Variants in PDE3A observed in about 807,000 individuals in gnomAD.
PDE3A encodes phosphodiesterase 3A.
In PDE3A, 43 loss-of-function variants were observed where a neutral mutation model predicts 98.3. The ratio of observed to expected loss-of-function variants is 0.44; its 90% CI spans 0.34 to 0.56. The LOEUF is 0.56. Ranked by LOEUF, PDE3A falls within the 20% of genes least tolerant of loss-of-function variation. The pLI is 0.01. For missense variants in PDE3A, 1,427 were observed against 1,440.7 expected (o/e 0.99, Z 0.15); for synonymous variants, 663 against 567.9 (o/e 1.17, Z -2.38).
At chr12:20,479,717 G>T (rs994334995) in intron 1 of PDE3A, among the ~76,000 whole-genome samples, 1 of 152,178 alleles carries the variant, frequency 6.6e-6, no homozygotes, top group Non-Finnish European at 1.5e-5. Flanking sequence ...TTACACTGAG[G>T]ACACTTGGGC....
Position 20,378,143 on chromosome 12 carries a change from T to C in PDE3A, c.960+7899T>C, listed in dbSNP as rs149544526. On this transcript the variant is annotated intron_variant, in intron 1 of 15. Transcript: ENST00000359062. Reference sequence around the variant, plus strand: ...TGGTTCATTCTGTGTATAGAGCAGATTGGAGATTTTGATAGTGTGGAATTT... The same window carrying C: ...TGGTTCATTCTGTGTATAGAGCAGACTGGAGATTTTGATAGTGTGGAATTT... 4.1e-3 allele frequency among the ~76,000 whole-genome samples: 618 copies of C among 151,816 alleles called. 1 individual carries two copies. The highest frequency in any genetic ancestry group is 0.014 in the African/African-American group (585 of 41,500).
chr12:20,455,047 C>T (rs1945131556), intron 1 of PDE3A, among the ~76,000 whole-genome samples: 1 of 152,174 alleles, frequency 6.6e-6, no homozygotes, highest in Non-Finnish European at 1.5e-5. Context: ...GGAATTGCCA[C>T]ACTGCTTTCT....
chr12:20,404,005 C>A (rs1403141365), intron 1 of PDE3A, among the ~76,000 whole-genome samples: 3 of 152,026 alleles, frequency 2.0e-5, no homozygotes, highest in Admixed American at 1.3e-4. Flanking sequence ...CTTTCAAAGG[C>A]TCTTCCTGGA....
At chr12:20,529,503 A>T (rs1946585471) in intron 1 of PDE3A, among the ~76,000 whole-genome samples, 1 of 152,154 alleles carries the variant, frequency 6.6e-6, no homozygotes, top group Non-Finnish European at 1.5e-5. Context: ...TGAAGTCATT[A>T]TGGTGGGTCC....
At chr12:20,590,493 A>C (rs566119092) in intron 2 of PDE3A, among the ~76,000 whole-genome samples, 1 of 150,850 alleles carries the variant, frequency 6.6e-6, no homozygotes, top group Admixed American at 6.6e-5. Flanking sequence ...ACACAACTCA[A>C]GCTGGGTGTG....
intron 15 of PDE3A, among the ~76,000 whole-genome samples, chr12:20,668,624 C>T (rs1449581337): frequency 9.2e-5 from 14 of 152,108 alleles, no homozygotes; most frequent in Non-Finnish European, 2.1e-4. Flanking sequence ...TCCAACAGAC[C>T]TGCAGCTGAG....
intron 15 of PDE3A, among the ~76,000 whole-genome samples, chr12:20,672,097 A>G (rs1945498005): frequency 6.6e-6 from 1 of 151,644 alleles, no homozygotes; most frequent in Non-Finnish European, 1.5e-5. Context: ...CCCATTCACA[A>G]TTGCTTCAAA....
At chr12:20,538,567 G>A (rs1231272791) in intron 1 of PDE3A, among the ~76,000 whole-genome samples, 1 of 152,134 alleles carries the variant, frequency 6.6e-6, no homozygotes, top group East Asian at 1.9e-4. Context: ...AGGGTTCTGT[G>A]AATAAGGAAG....
intron 1 of PDE3A, among the ~76,000 whole-genome samples, chr12:20,498,372 A>G (rs1565568500): frequency 6.6e-6 from 1 of 151,852 alleles, no homozygotes; most frequent in Non-Finnish European, 1.5e-5. Flanking sequence ...GATGGAAAAT[A>G]TATTCAAGAA....
intron 14 of PDE3A, 47 bp downstream of exon 14, chr12:20,650,647 C>G: frequency 1.6e-6 from 2 of 1,233,054 alleles, no homozygotes. Flanking sequence ...TTACAGGTTG[C>G]TCATGAATTG....
Position 20,425,299 on chromosome 12 carries a change from G to A in PDE3A, c.960+55055G>A, listed in dbSNP as rs183976374. 1.6e-3 allele frequency among the ~76,000 whole-genome samples: 238 copies of A among 152,130 alleles called. 2 individuals are homozygous for A. Among genetic ancestry groups the A allele is most frequent in the African/African-American group, 5.5e-3 (229 of 41,514 alleles). On this transcript the variant is annotated intron_variant, in intron 1 of 15. Coordinates refer to ENST00000359062, the MANE Select transcript of PDE3A (RefSeq NM_000921.5). ...CAGATGGGTGCTAAAGAAACTGAGC[G>A]ATTTTATTTTTTTCATCATATAATA...
intron 2 of PDE3A, among the ~76,000 whole-genome samples, chr12:20,589,585 A>G (rs1380858237): frequency 6.6e-6 from 1 of 151,844 alleles, no homozygotes; most frequent in East Asian, 1.9e-4. Flanking sequence ...ATTAGTTCAC[A>G]TGGCCGGGCG....
chr12:20,570,990 C>A (rs1364017983), intron 2 of PDE3A, among the ~76,000 whole-genome samples: 1 of 152,124 alleles, frequency 6.6e-6, no homozygotes, highest in Non-Finnish European at 1.5e-5. Flanking sequence ...CTAGAAAAGT[C>A]TTCCTTTTAA....
chr12:20,444,335 C>T (rs1280253358), intron 1 of PDE3A, among the ~76,000 whole-genome samples: 1 of 152,176 alleles, frequency 6.6e-6, no homozygotes, highest in African/African-American at 2.4e-5. Flanking sequence ...CTTCACACTG[C>T]TCACTTTTCC....
At chr12:20,639,205 C>T (rs759587076) in intron 9 of PDE3A, among the ~76,000 whole-genome samples, 7 of 151,962 alleles carry the variant, frequency 4.6e-5, no homozygotes, top group Non-Finnish European at 1.0e-4. Flanking sequence ...AACAATTTGA[C>T]CAAAATTGCT....
intron 10 of PDE3A, among the ~76,000 whole-genome samples, chr12:20,644,792 T>A (rs73236400): frequency 0.21 from 31,499 of 150,132 alleles, 3,793 homozygotes; most frequent in East Asian, 0.44. Context: ...TATTTTCTCC[T>A]CAGGAGGCTA....
intron 1 of PDE3A, among the ~76,000 whole-genome samples, chr12:20,522,127 T>A (rs1565576519): frequency 6.6e-6 from 1 of 152,206 alleles, no homozygotes. Flanking sequence ...CTTTCAGGTG[T>A]GTCTACTGTA....
rs142080430 is a variant in PDE3A, at chr12:20,534,241, C to T, written c.961-22419C>T. ...CAAGGTGGAGACTCATTCAGCTTTT[C>T]GTCTCTCTTACATAACCTGTGCCTG... On this transcript the variant is annotated intron_variant, in intron 1 of 15. Transcript: ENST00000359062. Among the ~76,000 whole-genome samples, 11 of 152,306 alleles carry T rather than the reference C, an allele frequency of 7.2e-5. No individual in the cohort carries two copies. The East Asian group carries it at 1.9e-3, about 27-fold the overall frequency.
chr12:20,371,476 G>A, intron 1 of PDE3A: 1 of 980,502 alleles, frequency 1.0e-6, no homozygotes, highest in Non-Finnish European at 1.2e-6. Context: ...CTAAGATAAA[G>A]TAAGCTTTTT....
Sources: allele counts gnomAD v4.1 joint callset (sites outside exome capture counted in the v4.1 genomes callset), GRCh38; gene constraint gnomAD v4.1.1; transcripts MANE v1.5; gene names NCBI Gene and HGNC (gene_info 2026-07-23, HGNC 2026-07-21).